MIER3: variants seen among roughly 807,000 people sequenced by gnomAD.
The protein encoded by MIER3 is MIER family member 3.
MIER3 carries 9 observed loss-of-function variants against 63.2 expected under a neutral mutation model. The observed-to-expected ratio is 0.14, with a 90% CI of 0.09 to 0.25. The LOEUF (loss-of-function observed/expected upper bound fraction) is 0.25. Ranked by LOEUF, MIER3 falls within the 10% of genes least tolerant of loss-of-function variation. The probability of loss-of-function intolerance (pLI) is 1.00; values close to 1 mark genes in which losing one functional copy is unlikely to be tolerated. For missense variants in MIER3, 512 were observed against 666.2 expected (o/e 0.77, Z 2.55); for synonymous variants, 205 against 224.9 (o/e 0.91, Z 0.79).
intron 7 of MIER3, among the ~76,000 whole-genome samples, chr5:56,935,196 G>T (rs1438683646): frequency 1.3e-5 from 2 of 152,144 alleles, no homozygotes; most frequent in African/African-American, 4.8e-5. Context: ...GAGCACACTG[G>T]CTAATAAGCA....
At chr5:56,933,450 A>G (rs1272736839) in intron 7 of MIER3, 52 bp from the exon 8 acceptor site, 11 of 1,506,474 alleles carry the variant, frequency 7.3e-6, no homozygotes, top group Non-Finnish European at 8.0e-6. Flanking sequence ...GCACTCAAAG[A>G]TGTACACAAA....
At position 56,930,725 on chromosome 5, in the gene MIER3, C is replaced by G. The variant is rs768937291; in HGVS notation, c.768G>C (p.Lys256Asn). Residue 256 changes from lysine to asparagine, a missense_variant, in exon 9 of 13, where the codon AAG (lysine) becomes AAC (asparagine). Physicochemically the swap from Lys to Asn is moderately conservative, Grantham distance 94. Transcript: ENST00000381199. Reference protein sequence around the residue: ...DNEQALYELLKCNHNIKEAIE... With the variant: ...DNEQALYELLNCNHNIKEAIE... ...TTGCTTCCTTTATATTGTGGTTACACTTGAGAAGTTCATATAATGCCTGGG... is the reference window on the plus strand; with the variant it reads ...TTGCTTCCTTTATATTGTGGTTACAGTTGAGAAGTTCATATAATGCCTGGG... 1 of 1,613,646 alleles carries G rather than the reference C, an allele frequency of 6.2e-7. No homozygotes were observed. Among genetic ancestry groups the G allele is most frequent in the Non-Finnish European group, 8.5e-7 (1 of 1,179,672 alleles).
At chr5:56,939,105 C>T in intron 3 of MIER3, 88 bp from the exon 4 acceptor site, 1 of 1,386,768 alleles carries the variant, frequency 7.2e-7, no homozygotes, top group Non-Finnish European at 9.6e-7. Flanking sequence ...GTTCAGAAAG[C>T]ACATTATCAA....
chr5:56,929,005 A>ACACACACACT lies in MIER3; in HGVS notation c.830-145_830-144insAGTGTGTGTG, dbSNP rs777014337. 1.7e-3 allele frequency: 859 copies of ACACACACACT among 510,910 alleles called. 3 individuals carry two copies. The highest frequency in any genetic ancestry group is 0.016 in the African/African-American group (807 of 50,060). The allele number at this position is 510,910 out of a possible 1,614,324, so 31.6% of individuals were successfully genotyped here. A position where few individuals can be genotyped will look rare whatever the true frequency, so the allele number is the denominator to read the frequency against. ...CACTCTCTCTCTCACACACACACAC[A>ACACACACACT]CTCTCTCTCTCTCTCTCTCTCTGTA... On this transcript the variant is annotated intron_variant, in intron 9 of 12. Transcript: ENST00000381199.
intron 10 of MIER3, among the ~76,000 whole-genome samples, chr5:56,927,409 A>G (rs929706778): frequency 2.0e-5 from 3 of 152,188 alleles, no homozygotes; most frequent in East Asian, 1.9e-4. Context: ...TCTAAAAACT[A>G]AAGTCCATTA....
chr5:56,930,497 C>T (rs1055138024), intron 9 of MIER3, among the ~76,000 whole-genome samples, 167 bp downstream of exon 9: 2 of 152,070 alleles, frequency 1.3e-5, no homozygotes, highest in African/African-American at 4.8e-5. Flanking sequence ...GTCTCTGATA[C>T]ATCTAAAAAT....
In MIER3 at chr5:56,920,242, A is replaced by C. The variant is rs1318021096; in HGVS notation, c.*2886T>G. The C allele has an allele frequency of 6.6e-6, 1 of 152,600 alleles. No homozygotes were observed. Among genetic ancestry groups the C allele is most frequent in the East Asian group, 1.9e-4 (1 of 5,202 alleles). The allele number at this position is 152,600 out of a possible 1,614,324, so 9.5% of individuals were successfully genotyped here. A position where few individuals can be genotyped will look rare whatever the true frequency, so the allele number is the denominator to read the frequency against. ...AGTAAATTCAGCAGCTGACCATGAC[A>C]AGAGGAAAACTAAACATTTAAAAAG... On this transcript the variant is annotated 3_prime_UTR_variant, in exon 13 of 13. Transcript: ENST00000381199.
At position 56,948,651 on chromosome 5, in the gene MIER3, G is replaced by A. The variant is rs554949028; in HGVS notation, c.35-1580C>T. Among the ~76,000 whole-genome samples, 52 of 152,024 alleles carry A rather than the reference G, an allele frequency of 3.4e-4. 2 individuals are homozygous for A. The South Asian group carries it at 0.01, about 30-fold the overall frequency. On this transcript the variant is annotated intron_variant, in intron 2 of 12. Transcript: ENST00000381199. Reference sequence around the variant, plus strand: ...ACCACTGCACTCCAGCCTGAGCAATGGAGCAAGACTCCATCTCAAAAAACA... The same window carrying A: ...ACCACTGCACTCCAGCCTGAGCAATAGAGCAAGACTCCATCTCAAAAAACA...
At chr5:56,925,419 G>A (rs1298127279) in intron 10 of MIER3, 3 of 432,596 alleles carry the variant, frequency 6.9e-6, no homozygotes, top group African/African-American at 6.2e-5. Flanking sequence ...AGTTTCAGGA[G>A]ACAAGGTTAA....
intron 10 of MIER3, among the ~76,000 whole-genome samples, chr5:56,925,879 T>C (rs1719813586): frequency 6.6e-6 from 1 of 150,922 alleles, no homozygotes; most frequent in Admixed American, 6.6e-5. Flanking sequence ...CAGTATGGTA[T>C]TGGGGGGGTG....
intron 3 of MIER3, chr5:56,941,270 T>C (rs1750635903): frequency 2.7e-6 from 1 of 372,130 alleles, no homozygotes. Context: ...CCAAGAATAC[T>C]GGTATGGAGT....
At chr5:56,950,303 T>C (rs1750973956) in intron 2 of MIER3, among the ~76,000 whole-genome samples, 1 of 152,202 alleles carries the variant, frequency 6.6e-6, no homozygotes, top group African/African-American at 2.4e-5. Context: ...AAAATCTAAA[T>C]TGCTAAAGTT....
intron 2 of MIER3, among the ~76,000 whole-genome samples, chr5:56,949,742 C>T (rs191361716): frequency 2.0e-5 from 3 of 152,276 alleles, no homozygotes; most frequent in Non-Finnish European, 4.4e-5. Context: ...CTGTGCTCCA[C>T]CACTAACGAA....
At position 56,921,375 on chromosome 5, in the gene MIER3, C is replaced by T. The variant is rs1749664724; in HGVS notation, c.*1753G>A. 1 of 152,290 alleles carries T rather than the reference C, an allele frequency of 6.6e-6. No homozygotes were observed. Among genetic ancestry groups the T allele is most frequent in the African/African-American group, 2.4e-5 (1 of 41,420 alleles). The allele number at this position is 152,290 out of a possible 1,614,324, so 9.4% of individuals were successfully genotyped here. Reference sequence around the variant, plus strand: ...AAAAATACAAGAAAGTAACACAGAGCCCAGGCTACCCATTATTTACTGTGT... The same window carrying T: ...AAAAATACAAGAAAGTAACACAGAGTCCAGGCTACCCATTATTTACTGTGT... On this transcript the variant is annotated 3_prime_UTR_variant, in exon 13 of 13. Transcript: ENST00000381199.
chr5:56,928,891 G>C, intron 9 of MIER3, 30 bp from the exon 10 acceptor site: 2 of 1,538,194 alleles, frequency 1.3e-6, no homozygotes, highest in South Asian at 1.2e-5. Flanking sequence ...AAAATTTATG[G>C]GCCCCCAAAT....
In MIER3 at chr5:56,922,785, AGGTT is replaced by A; in HGVS notation, c.*339_*342del. 5 of 266,052 alleles carry A rather than the reference AGGTT, an allele frequency of 1.9e-5. No individual in the cohort carries two copies. The highest frequency in any genetic ancestry group is 5.6e-5 in the South Asian group (1 of 17,894). The allele number at this position is 266,052 out of a possible 1,614,324, so 16.5% of individuals were successfully genotyped here. On this transcript the variant is annotated 3_prime_UTR_variant, in exon 13 of 13. Coordinates refer to ENST00000381199, the MANE Select transcript of MIER3 (RefSeq NM_001297599.2). ...TTTTGAGCTGGTGGCCTCTGTCTAC[AGGTT>A]TTAAAATTGGGAGTGAGGGCAGTGG...
intron 3 of MIER3, among the ~76,000 whole-genome samples, chr5:56,943,612 G>A (rs1355356146): frequency 1.3e-5 from 2 of 152,176 alleles, no homozygotes; most frequent in Admixed American, 6.5e-5. Flanking sequence ...GAGGGCTGAT[G>A]CTAAAACACA....
intron 2 of MIER3, among the ~76,000 whole-genome samples, chr5:56,947,324 T>C (rs143371554): frequency 1.3e-5 from 2 of 152,192 alleles, no homozygotes; most frequent in African/African-American, 2.4e-5. Flanking sequence ...AAACAACTTA[T>C]GATAACAACA....
rs1561228768 is a variant in MIER3 at position 56,923,308 on chromosome 5, G to A, written c.1473C>T (p.Ser491=). 2 of 1,614,064 alleles carry A rather than the reference G, an allele frequency of 1.2e-6. No individual in the cohort carries two copies. Among genetic ancestry groups the A allele is most frequent in the African/African-American group, 1.3e-5 (1 of 74,920 alleles). ...TATTTACAGAAACTTCATTCATAAA[G>A]GATTCAGGGACGGCAATGCCCATTT... ...RLKMGIAVPE[S]FMNEVSVNNL... is the part of the protein sequence containing the mutation. Residue 491 remains serine (S), a synonymous_variant, in exon 13 of 13, where the codon TCC becomes TCT. Coordinates refer to ENST00000381199, the MANE Select transcript of MIER3 (RefSeq NM_001297599.2).
Sources: allele counts gnomAD v4.1 joint callset (sites outside exome capture counted in the v4.1 genomes callset), GRCh38; gene constraint gnomAD v4.1.1; transcripts MANE v1.5; gene names NCBI Gene and HGNC (gene_info 2026-07-23, HGNC 2026-07-21).